HERC1: variants seen among roughly 807,000 people sequenced by gnomAD.
HERC1 encodes the protein HECT and RLD domain containing E3 ubiquitin protein ligase family member 1.
HERC1 carries 160 observed loss-of-function variants against 554.3 expected under a neutral mutation model. The observed-to-expected ratio is 0.29, with a 90% confidence interval of 0.25 to 0.33. The LOEUF (loss-of-function observed/expected upper bound fraction) is 0.33. Among genes scored for constraint, HERC1 ranks in the 10% least tolerant of loss-of-function variants. The pLI, the probability that HERC1 is intolerant of heterozygous loss-of-function variation, is 1.00. For missense variants in HERC1, 4,919 were observed against 5,918.5 expected (o/e 0.83, Z 5.54); for synonymous variants, 2,175 against 2,131.7 (o/e 1.02, Z -0.56).
chr15:63,779,123 TAAG>T (rs2143014591), intron 1 of HERC1, among the ~76,000 whole-genome samples: 1 of 151,488 alleles, frequency 6.6e-6, no homozygotes, highest in Admixed American at 6.6e-5. Context: ...TAGAAAAAGA[TAAG>T]AAAAAAGAAT....
At chr15:63,772,664 AAACACAAAGAGGCCTAC>A (rs1010648978) in intron 2 of HERC1, among the ~76,000 whole-genome samples, 2 of 152,108 alleles carry the variant, frequency 1.3e-5, no homozygotes, top group African/African-American at 2.4e-5. Context: ...TTGAATAAGA[AAACACAAAGAGGCCTAC>A]ACGCCTCCCA....
chr15:63,781,862 C>T (rs1431838619), intron 1 of HERC1, among the ~76,000 whole-genome samples: 1 of 152,178 alleles, frequency 6.6e-6, no homozygotes, highest in Non-Finnish European at 1.5e-5. Context: ...GAAGTGAAAT[C>T]GCCTTTTTCC....
chr15:63,722,492 G>A (rs373088219), intron 19 of HERC1, among the ~76,000 whole-genome samples: 2 of 152,140 alleles, frequency 1.3e-5, no homozygotes, highest in South Asian at 2.1e-4. Context: ...AGTTACTTGC[G>A]ATCAACTGTG....
chr15:63,620,641 A>G (rs2068035130), intron 74 of HERC1, among the ~76,000 whole-genome samples: 1 of 151,998 alleles, frequency 6.6e-6, no homozygotes, highest in Non-Finnish European at 1.5e-5. Context: ...GTCTCTTTGT[A>G]GGTCACTAAG....
intron 6 of HERC1, 26 bp downstream of exon 6, chr15:63,755,203 T>A (rs1167135450): frequency 6.8e-7 from 1 of 1,476,050 alleles, no homozygotes; most frequent in Non-Finnish European, 9.5e-7. Context: ...TCTAGAAGAA[T>A]AACTTACATT....
At chr15:63,744,332 C>T (rs1180435050) in intron 12 of HERC1, among the ~76,000 whole-genome samples, 3 of 152,074 alleles carry the variant, frequency 2.0e-5, no homozygotes, top group Non-Finnish European at 2.9e-5. Context: ...CCAAGCTTGC[C>T]GTAACCACTC....
chr15:63,764,051 T>C (rs754654828), intron 3 of HERC1, 45 bp downstream of exon 3: 9 of 1,147,054 alleles, frequency 7.8e-6, no homozygotes, highest in Non-Finnish European at 1.1e-5. Context: ...TGCCATAGCA[T>C]TTTAACACAA....
chr15:63,609,782 C>T (rs192094693), intron 77 of HERC1, among the ~76,000 whole-genome samples: 20 of 152,316 alleles, frequency 1.3e-4, no homozygotes, highest in Admixed American at 3.9e-4. Flanking sequence ...ATGGCTGCCT[C>T]GCACAGCTCA....
In HERC1 at chr15:63,773,123, T is replaced by C. The variant is rs78972249; in HGVS notation, c.930+1571A>G. Among the ~76,000 whole-genome samples, 1,191 of 152,250 alleles carry C rather than the reference T, an allele frequency of 7.8e-3. 9 individuals are homozygous for C. The highest frequency in any genetic ancestry group is 0.028 in the African/African-American group (1,154 of 41,542). On this transcript the variant is annotated intron_variant, in intron 2 of 77. Coordinates refer to ENST00000443617, the MANE Select transcript of HERC1 (RefSeq NM_003922.4). ...AACTAAATAGATTTGTTGGTTGACA[T>C]CTGGTAACAAAGGATACCGAAAAGA...
In HERC1 at chr15:63,626,042, G is replaced by A; in HGVS notation, c.13218C>T (p.His4406=). The A allele has an allele frequency of 6.2e-7, 1 of 1,612,868 alleles. No homozygotes were observed. Among genetic ancestry groups the A allele is most frequent in the Non-Finnish European group, 8.5e-7 (1 of 1,179,442 alleles). Residue 4406 remains histidine, a synonymous_variant, in exon 71 of 78, where the codon CAC becomes CAT. Coordinates refer to ENST00000443617, the MANE Select transcript of HERC1 (RefSeq NM_003922.4). ...AGGATGAGTACATGAGGTCAGAGAA[G>A]TGGTAGAGCAGCCGGAGCCTGGCCC... ...TVRARLRLLY[H]FSDLMYSSWR...
chr15:63,645,348 C>T (rs1289096358), intron 56 of HERC1, 135 bp downstream of exon 56: 8 of 710,370 alleles, frequency 1.1e-5, no homozygotes, highest in South Asian at 5.9e-5. Flanking sequence ...CTGAGGTAAT[C>T]TTATAATGTT....
chr15:63,726,948 T>C (rs2074067334), intron 17 of HERC1, among the ~76,000 whole-genome samples: 1 of 152,136 alleles, frequency 6.6e-6, no homozygotes, highest in African/African-American at 2.4e-5. Context: ...ACTCACCTGA[T>C]AGACTGAATC....
rs749469567 is a variant in HERC1, at chr15:63,718,549, G to C, written c.3978+25C>G. 6.5e-7 allele frequency: 1 copy of C among 1,527,818 alleles called. No homozygotes were observed. The highest frequency in any genetic ancestry group is 8.8e-7 in the Non-Finnish European group (1 of 1,131,588). 94.6% of individuals were successfully genotyped at this position (1,527,818 alleles called of 1,614,324 possible). ...CTCTCACAGCTTGCAGAAAAACATA[G>C]AAATTAATTGATTTCAAACTTTACC... On this transcript the variant is annotated intron_variant, in intron 21 of 77. Transcript: ENST00000443617. This position sits in a 1 kb window ranked among gnomAD's most constrained non-coding sequence, Gnocchi z 4.2.
At chr15:63,740,004 G>C (rs925012096) in intron 12 of HERC1, among the ~76,000 whole-genome samples, 2 of 151,766 alleles carry the variant, frequency 1.3e-5, no homozygotes, top group African/African-American at 2.4e-5. Flanking sequence ...TCTGCCTCCC[G>C]GTTTCAAGCA....
At chr15:63,760,128 G>C (rs753188832) in intron 3 of HERC1, among the ~76,000 whole-genome samples, 6 of 151,834 alleles carry the variant, frequency 4.0e-5, no homozygotes, top group Non-Finnish European at 8.8e-5. Context: ...AATTGAACTG[G>C]ATAGGGACAA....
chr15:63,720,623 G>A (rs985193559), intron 19 of HERC1, among the ~76,000 whole-genome samples: 1 of 151,938 alleles, frequency 6.6e-6, no homozygotes, highest in Non-Finnish European at 1.5e-5. Context: ...AAAAAAAATT[G>A]ACAAGGACAA....
intron 54 of HERC1, among the ~76,000 whole-genome samples, chr15:63,649,513 T>TAA (rs764469848): frequency 3.9e-5 from 6 of 152,210 alleles, no homozygotes; most frequent in Non-Finnish European, 8.8e-5. Flanking sequence ...TATAATACTA[T>TAA]TAAATCTCAT....
chr15:63,719,873 G>C (rs1010097065), intron 19 of HERC1, among the ~76,000 whole-genome samples: 1 of 152,114 alleles, frequency 6.6e-6, no homozygotes, highest in Non-Finnish European at 1.5e-5. Context: ...GGAATCAGGA[G>C]TCTAGTTTTG....
At chr15:63,629,248 C>A (rs929947731) in intron 69 of HERC1, among the ~76,000 whole-genome samples, 7 of 152,160 alleles carry the variant, frequency 4.6e-5, no homozygotes, top group African/African-American at 1.7e-4. Flanking sequence ...CCACGCCCAG[C>A]CCCCAATAAT....
Sources: gnomAD v4.1 joint callset for allele counts (sites outside exome capture counted in the v4.1 genomes callset) on GRCh38, gnomAD v4.1.1 for gene constraint, Gnocchi (gnomAD v3.1) non-coding constraint, MANE v1.5 for transcripts, NCBI Gene and HGNC (gene_info 2026-07-23, HGNC 2026-07-21) for gene names.